The following TGFBR1 variants were observed in gnomAD, a reference collection of about 807,000 sequenced individuals.
TGFBR1 encodes TGF-beta receptor type-1.
A neutral mutation model predicts 55.1 loss-of-function variants in TGFBR1; 20 were observed. That is an observed-to-expected ratio of 0.36 (90% confidence interval 0.26 to 0.53). The LOEUF is 0.53. Among genes scored for constraint, TGFBR1 ranks in the 20% least tolerant of loss-of-function variants. The pLI, the probability that TGFBR1 is intolerant of heterozygous loss-of-function variation, is 0.91. For missense variants in TGFBR1, 385 were observed against 617.6 expected, an observed-to-expected ratio of 0.62 and a Z score of 3.99; for synonymous variants, 220 against 214.8, an observed-to-expected ratio of 1.02 and a Z score of -0.21.
intron 1 of TGFBR1, among the ~76,000 whole-genome samples, chr9:99,126,083 A>C (rs570047165): frequency 7.4e-4 from 112 of 152,224 alleles, no homozygotes; most frequent in Non-Finnish European, 1.2e-3. Flanking sequence ...ATAATGGCAA[A>C]GATCCTGTTG....
At chr9:99,132,880 T>C (rs945602425) in intron 3 of TGFBR1, 141 bp downstream of exon 3, 21 of 1,207,830 alleles carry the variant, frequency 1.7e-5, no homozygotes, top group Non-Finnish European at 2.4e-5. Context: ...AATAAAAATC[T>C]TTAAGCTTGA....
chr9:99,121,115 T>A (rs1826884990), intron 1 of TGFBR1, among the ~76,000 whole-genome samples: 1 of 152,210 alleles, frequency 6.6e-6, no homozygotes, highest in African/African-American at 2.4e-5. Context: ...TCTTTAAAAG[T>A]GGCAGAAGTA....
intron 1 of TGFBR1, among the ~76,000 whole-genome samples, chr9:99,113,412 C>G (rs1220355514): frequency 1.3e-5 from 2 of 152,182 alleles, no homozygotes; most frequent in Admixed American, 6.5e-5. Context: ...GACCATCTCT[C>G]TTTTTCTATT....
At chr9:99,143,779 A>G (rs1827699838) in intron 5 of TGFBR1, among the ~76,000 whole-genome samples, 1 of 152,226 alleles carries the variant, frequency 6.6e-6, no homozygotes, top group African/African-American at 2.4e-5. Context: ...TCCAAAGAGA[A>G]ACCCTGTAGC....
intron 3 of TGFBR1, among the ~76,000 whole-genome samples, chr9:99,134,471 G>A (rs1274106067): frequency 6.6e-6 from 1 of 152,042 alleles, no homozygotes; most frequent in African/African-American, 2.4e-5. Context: ...AGCTTTCCTG[G>A]GACTTCCCAT....
At chr9:99,119,066 A>T (rs1012190487) in intron 1 of TGFBR1, among the ~76,000 whole-genome samples, 1 of 152,040 alleles carries the variant, frequency 6.6e-6, no homozygotes, top group African/African-American at 2.4e-5. Context: ...CTTTCTTCCT[A>T]CACAGGTTAC....
At chr9:99,126,735 C>G (rs1175085861) in intron 1 of TGFBR1, among the ~76,000 whole-genome samples, 1 of 152,078 alleles carries the variant, frequency 6.6e-6, no homozygotes, top group Non-Finnish European at 1.5e-5. Context: ...GAAATCATAC[C>G]CAGACAGCCA....
chr9:99,143,145 A>G lies in TGFBR1; in HGVS notation c.973+442A>G, dbSNP rs1385133627. The stretch of plus-strand genomic sequence containing the variant: ...TTTAGATGAGAACATTTTATCTTTC[A>G]GTTCAAAATTTCAGGTAGAGCTAGG... On this transcript the variant is annotated intron_variant, in intron 5 of 8. Coordinates refer to ENST00000374994, the MANE Select transcript of TGFBR1 (RefSeq NM_004612.4). 2.0e-5 allele frequency among the ~76,000 whole-genome samples: 3 copies of G among 152,340 alleles called. No individual in the cohort carries two copies. In the East Asian group the frequency reaches 5.8e-4, roughly 29 times the overall value.
At chr9:99,137,628 C>T (rs995522627) in intron 3 of TGFBR1, among the ~76,000 whole-genome samples, 3 of 152,164 alleles carry the variant, frequency 2.0e-5, no homozygotes, top group African/African-American at 4.8e-5. Flanking sequence ...TTTACAAAGC[C>T]TACCTTGACC....
At position 99,132,544 on chromosome 9, in the gene TGFBR1, G is replaced by T; in HGVS notation, c.379G>T (p.Ala127Ser). The change falls in exon 3 of 9, where the codon GCA becomes TCA. Residue 127 changes from alanine (A) to serine (S), a missense_variant. Physicochemically the swap from Ala to Ser is moderately conservative, Grantham distance 99. Coordinates refer to ENST00000374994, the MANE Select transcript of TGFBR1 (RefSeq NM_004612.4). ...ACCTGGCCTTGGTCCTGTGGAACTG[G>T]CAGCTGTCATTGCTGGACCAGTGTG... ...SSPGLGPVEL[A>S]AVIAGPVCFV... The T allele has an allele frequency of 6.2e-7, 1 of 1,614,128 alleles. No homozygotes were observed. Among genetic ancestry groups the T allele is most frequent in the Non-Finnish European group, 8.5e-7 (1 of 1,180,018 alleles).
chr9:99,119,468 G>C (rs983925519), intron 1 of TGFBR1, among the ~76,000 whole-genome samples: 5 of 152,218 alleles, frequency 3.3e-5, no homozygotes, highest in African/African-American at 9.6e-5. Context: ...GTGGGGAGTA[G>C]GGGTGGAAAT....
At position 99,151,575 on chromosome 9, in the gene TGFBR1, A is replaced by T; in HGVS notation, c.*2270A>T. 4.3e-6 allele frequency: 1 copy of T among 230,330 alleles called. No homozygotes were observed. The highest frequency in any genetic ancestry group is 6.3e-5 in the East Asian group (1 of 15,896). 14.3% of individuals were successfully genotyped at this position (230,330 alleles called of 1,614,324 possible). A position where few individuals can be genotyped will look rare whatever the true frequency, so the allele number is the denominator to read the frequency against. ...TGATTTCTCACTTTCATGTAAGGTT[A>T]TCCACTTTTGCTGAAGATATTTTTT... On this transcript the variant is annotated 3_prime_UTR_variant, in exon 9 of 9. Transcript: ENST00000374994.
chr9:99,120,861 T>A (rs530455918), intron 1 of TGFBR1, among the ~76,000 whole-genome samples: 1 of 152,338 alleles, frequency 6.6e-6, no homozygotes, highest in South Asian at 2.1e-4. Context: ...ACTTGTGTGA[T>A]TTATTTCGAA....
intron 1 of TGFBR1, among the ~76,000 whole-genome samples, chr9:99,113,638 A>G (rs1826648584): frequency 6.6e-6 from 1 of 152,224 alleles, no homozygotes; most frequent in Non-Finnish European, 1.5e-5. Context: ...GATAGTGTAC[A>G]GTAGTATTTA....
In TGFBR1 at chr9:99,153,583, C is replaced by T. The variant is rs200414044; in HGVS notation, c.*4278C>T. On this transcript the variant is annotated 3_prime_UTR_variant, in exon 9 of 9. Coordinates refer to ENST00000374994, the MANE Select transcript of TGFBR1 (RefSeq NM_004612.4). Reference sequence around the variant, plus strand: ...GTAAATAGGAAATAGAAGAGTGATGCTTATGTTAAGTCCTAACACTACAGT... The same window carrying T: ...GTAAATAGGAAATAGAAGAGTGATGTTTATGTTAAGTCCTAACACTACAGT... 7.7e-5 allele frequency: 15 copies of T among 193,782 alleles called. No homozygotes were observed. The highest frequency in any genetic ancestry group is 1.4e-4 in the Non-Finnish European group (13 of 92,540). 12.0% of individuals were successfully genotyped at this position (193,782 alleles called of 1,614,324 possible). A position where few individuals can be genotyped will look rare whatever the true frequency, so the allele number is the denominator to read the frequency against.
chr9:99,132,800 T>G, intron 3 of TGFBR1, 61 bp downstream of exon 3: 2 of 1,601,248 alleles, frequency 1.2e-6, no homozygotes, highest in East Asian at 2.2e-5. Context: ...GATACTTATT[T>G]TATTAGTTTT....
intron 1 of TGFBR1, among the ~76,000 whole-genome samples, chr9:99,121,689 T>C (rs928771953): frequency 3.9e-5 from 6 of 152,126 alleles, no homozygotes; most frequent in Non-Finnish European, 8.8e-5. Context: ...ACATTGTGCA[T>C]GTTAGGTCTT....
intron 1 of TGFBR1, among the ~76,000 whole-genome samples, chr9:99,107,905 C>T (rs1826459627): frequency 6.6e-6 from 1 of 152,206 alleles, no homozygotes; most frequent in South Asian, 2.1e-4. Flanking sequence ...GCCCTGACTT[C>T]CTGTGCTGGT....
At position 99,140,532 on chromosome 9, in the gene TGFBR1, G is replaced by A. The variant is rs80090393; in HGVS notation, c.806-2004G>A. 8.7e-3 allele frequency among the ~76,000 whole-genome samples: 1,323 copies of A among 151,706 alleles called. 7 individuals are homozygous for A. Among genetic ancestry groups the A allele is most frequent in the East Asian group, 0.035 (183 of 5,174 alleles). Reference sequence around the variant, plus strand: ...GACCAAATCCTTAGTTCTCATTTTCGTTTCTGCCTTTATCACCATTTATTT... The same window carrying A: ...GACCAAATCCTTAGTTCTCATTTTCATTTCTGCCTTTATCACCATTTATTT... On this transcript the variant is annotated intron_variant, in intron 4 of 8. Coordinates refer to ENST00000374994, the MANE Select transcript of TGFBR1 (RefSeq NM_004612.4).
Sources: allele counts gnomAD v4.1 joint callset (sites outside exome capture counted in the v4.1 genomes callset), GRCh38; gene constraint gnomAD v4.1.1; transcripts MANE v1.5; gene names NCBI Gene and HGNC (gene_info 2026-07-23, HGNC 2026-07-21).